The following PIKFYVE variants were observed in gnomAD, a reference collection of about 807,000 sequenced individuals.
PIKFYVE encodes the protein 1-phosphatidylinositol 3-phosphate 5-kinase.
Under a neutral mutation model 257.9 loss-of-function variants are expected in PIKFYVE, and 122 were observed. The observed-to-expected ratio is 0.47, with a 90% confidence interval of 0.41 to 0.55. The LOEUF is 0.55. Ranked by LOEUF, PIKFYVE falls within the 20% of genes least tolerant of loss-of-function variation. PIKFYVE has a pLI of 0.00. For missense variants in PIKFYVE, 2,160 were observed against 2,536.6 expected (o/e 0.85, Z 3.19); for synonymous variants, 892 against 868.9 (o/e 1.03, Z -0.47).
intron 28 of PIKFYVE, among the ~76,000 whole-genome samples, chr2:208,338,256 T>A (rs1237352666): frequency 1.3e-5 from 2 of 152,166 alleles, no homozygotes; most frequent in African/African-American, 4.8e-5. Flanking sequence ...TAAATGTTAC[T>A]TATATTAATG....
chr2:208,282,975 C>G (rs552104531), intron 5 of PIKFYVE, among the ~76,000 whole-genome samples: 1 of 152,110 alleles, frequency 6.6e-6, no homozygotes, highest in Admixed American at 6.5e-5. Context: ...CTAATGCCAC[C>G]GCTGATCTGA....
chr2:208,311,045 A>G (rs1219943535), intron 12 of PIKFYVE, among the ~76,000 whole-genome samples: 1 of 152,172 alleles, frequency 6.6e-6, no homozygotes, highest in Non-Finnish European at 1.5e-5. Flanking sequence ...GGGAAGAAAC[A>G]TACACATATA....
intron 13 of PIKFYVE, among the ~76,000 whole-genome samples, chr2:208,313,711 T>A (rs1695176304): frequency 6.6e-6 from 1 of 152,066 alleles, no homozygotes; most frequent in Admixed American, 6.6e-5. Context: ...GCCTCCCTTG[T>A]AGCTGGGATT....
At chr2:208,306,782 T>TG (rs1694368107) in intron 12 of PIKFYVE, among the ~76,000 whole-genome samples, 1 of 39,196 alleles carries the variant, frequency 2.6e-5, no homozygotes, top group Admixed American at 4.3e-4. Context: ...AATCCTTTTT[T>TG]TTTTTTTTTC....
intron 19 of PIKFYVE, 116 bp from the exon 20 acceptor site, chr2:208,325,154 A>G (rs1696771145): frequency 6.4e-7 from 1 of 1,568,492 alleles, no homozygotes; most frequent in South Asian, 1.1e-5. Flanking sequence ...GGCAACTGTG[A>G]TCTTATTCAT....
chr2:208,353,000 C>G (rs1699913810), intron 39 of PIKFYVE, among the ~76,000 whole-genome samples: 2 of 152,168 alleles, frequency 1.3e-5, no homozygotes, highest in African/African-American at 4.8e-5. Context: ...ATCCAATATT[C>G]TAGAATCACA....
chr2:208,323,654 T>A (rs1696572968), intron 17 of PIKFYVE, among the ~76,000 whole-genome samples: 1 of 152,232 alleles, frequency 6.6e-6, no homozygotes, highest in African/African-American at 2.4e-5. Flanking sequence ...TCAAATGGTA[T>A]TTCTAGTTCT....
chr2:208,274,592 A>C (rs1350929179), intron 3 of PIKFYVE, among the ~76,000 whole-genome samples: 1 of 152,158 alleles, frequency 6.6e-6, no homozygotes, highest in Non-Finnish European at 1.5e-5. Flanking sequence ...ACTGAGCAAA[A>C]GTAGAGTTTC....
At chr2:208,348,674 G>A (rs1699475109) in intron 35 of PIKFYVE, among the ~76,000 whole-genome samples, 1 of 150,410 alleles carries the variant, frequency 6.6e-6, no homozygotes, top group African/African-American at 2.4e-5. Context: ...GTTTAGATCA[G>A]GAATAGGCAG....
chr2:208,319,033 T>G (rs1343313938), intron 16 of PIKFYVE, among the ~76,000 whole-genome samples: 1 of 151,920 alleles, frequency 6.6e-6, no homozygotes, highest in Non-Finnish European at 1.5e-5. Context: ...ATACCATTTA[T>G]CTATAGTAGT....
rs1231261817 is a variant in PIKFYVE at position 208,337,726 on chromosome 2, AT to A, written c.4612-771del. Among the ~76,000 whole-genome samples, 22 of 148,158 alleles carry A rather than the reference AT, an allele frequency of 1.5e-4. No homozygotes were observed. The South Asian group carries it at 1.5e-3, about 10-fold the overall frequency. On this transcript the variant is annotated intron_variant, in intron 28 of 41. Transcript: ENST00000264380. ...AGACCTTTTCAGGGACTCTGCAAAA[AT>A]TTTTTTTTTTGAGAGATGGAGTCTC...
chr2:208,341,828 G>A (rs923906297), intron 31 of PIKFYVE, among the ~76,000 whole-genome samples: 2 of 151,960 alleles, frequency 1.3e-5, no homozygotes, highest in Admixed American at 1.3e-4. Flanking sequence ...TTTTGTGGGA[G>A]CTGGGAGGGT....
rs746006508 is a variant in PIKFYVE at position 208,333,437 on chromosome 2, C to A, written c.4086C>A (p.Ser1362=). The stretch of plus-strand genomic sequence containing the variant: ...CCAACGCTGAGCCCTGTGGTCACTC[C>A]ATCCATCATGATTATCACCAGTATT... ...RRANAEPCGH[S]IHHDYHQYFS... Residue 1362 remains serine, a synonymous_variant, in exon 24 of 42, where the codon TCC becomes TCA. Transcript: ENST00000264380. 4.3e-6 allele frequency: 7 copies of A among 1,613,948 alleles called. No homozygotes were observed. The highest frequency in any genetic ancestry group is 5.9e-6 in the Non-Finnish European group (7 of 1,180,006).
At chr2:208,304,087 G>T in intron 10 of PIKFYVE, 84 bp from the exon 11 acceptor site, 2 of 1,444,896 alleles carry the variant, frequency 1.4e-6, no homozygotes, top group Non-Finnish European at 1.9e-6. Flanking sequence ...AGAAATATTG[G>T]ACTACAATTT....
chr2:208,271,929 G>T (rs1198340235), intron 2 of PIKFYVE, among the ~76,000 whole-genome samples: 1 of 152,106 alleles, frequency 6.6e-6, no homozygotes, highest in Admixed American at 6.6e-5. Flanking sequence ...GTAACTAAAG[G>T]TCTGGATTAA....
intron 20 of PIKFYVE, 123 bp downstream of exon 20, chr2:208,326,552 A>G (rs796485212): frequency 1.2e-5 from 13 of 1,096,266 alleles, no homozygotes; most frequent in African/African-American, 7.8e-5. Flanking sequence ...TTCTTCTCCT[A>G]TGCTATTTTT....
chr2:208,308,258 G>A (rs999050225), intron 12 of PIKFYVE, among the ~76,000 whole-genome samples: 8 of 151,946 alleles, frequency 5.3e-5, no homozygotes, highest in African/African-American at 9.7e-5. Context: ...AAAATTAGCC[G>A]GGTGTGGTGG....
At chr2:208,351,044 A>G (rs1485469662) in intron 37 of PIKFYVE, 97 bp downstream of exon 37, 4 of 1,477,256 alleles carry the variant, frequency 2.7e-6, no homozygotes, top group South Asian at 1.2e-5. Context: ...AAGAACTTTC[A>G]TAACTATGAC....
At chr2:208,331,149 C>T (rs568027559) in intron 23 of PIKFYVE, among the ~76,000 whole-genome samples, 4 of 152,124 alleles carry the variant, frequency 2.6e-5, no homozygotes, top group Admixed American at 1.3e-4. Context: ...GTGAGCATTT[C>T]TATTCACATA....
Sources: gnomAD v4.1 joint callset for allele counts (sites outside exome capture counted in the v4.1 genomes callset) on GRCh38, gnomAD v4.1.1 for gene constraint, MANE v1.5 for transcripts, NCBI Gene and HGNC (gene_info 2026-07-23, HGNC 2026-07-21) for gene names.